Variants in GLI3 observed in about 807,000 individuals in gnomAD.
The protein encoded by GLI3 is GLI family zinc finger 3, also known as transcription activator GLI3.
In GLI3, 20 loss-of-function variants were observed where a neutral mutation model predicts 100.8. That is an observed-to-expected ratio of 0.20 (90% CI 0.14 to 0.29). GLI3 has a LOEUF of 0.29. Ranked by LOEUF, GLI3 falls within the 10% of genes least tolerant of loss-of-function variation. The pLI is 1.00. For synonymous variants in GLI3, 938 were observed against 860.5 expected (o/e 1.09, Z -1.58); for missense variants, 2,040 against 2,128.5 (o/e 0.96, Z 0.82).
chr7:42,240,809 A>C (rs898937717), upstream of GLI3, among the ~76,000 whole-genome samples: 1 of 152,208 alleles, frequency 6.6e-6, no homozygotes, highest in Admixed American at 6.5e-5. Flanking sequence ...TGCAAAAGAT[A>C]GTGGGAGAGG....
chr7:41,979,801 A>G (rs1356717295), intron 10 of GLI3, among the ~76,000 whole-genome samples: 2 of 152,120 alleles, frequency 1.3e-5, no homozygotes, highest in Non-Finnish European at 2.9e-5. Context: ...TCACCAAAAA[A>G]CTTCGTTCAA....
At chr7:42,147,249 T>G (rs1261814110) in intron 3 of GLI3, among the ~76,000 whole-genome samples, 1 of 152,122 alleles carries the variant, frequency 6.6e-6, no homozygotes, top group African/African-American at 2.4e-5. Context: ...GGCACTTTCT[T>G]GAGCAAAAAA....
chr7:42,043,464 G>A (rs1214194215), intron 6 of GLI3, among the ~76,000 whole-genome samples: 1 of 152,186 alleles, frequency 6.6e-6, no homozygotes, highest in Non-Finnish European at 1.5e-5. Flanking sequence ...AAGTAGCCCA[G>A]TTCTTCACTG....
chr7:42,211,353 G>C (rs969296643), intron 2 of GLI3, among the ~76,000 whole-genome samples: 2 of 152,134 alleles, frequency 1.3e-5, no homozygotes, highest in Non-Finnish European at 2.9e-5. Flanking sequence ...CACAGGAACT[G>C]CTGTCAACGT....
chr7:42,132,245 C>CGCCCACCACCATGCCT (rs1554332096), intron 3 of GLI3, among the ~76,000 whole-genome samples: 2 of 145,488 alleles, frequency 1.4e-5, no homozygotes, highest in Non-Finnish European at 3.0e-5. Flanking sequence ...GGACTACAGG[C>CGCCCACCACCATGCCT]GCCCGCCACT....
chr7:42,234,819 C>T (rs1788758604), intron 1 of GLI3, among the ~76,000 whole-genome samples: 1 of 152,256 alleles, frequency 6.6e-6, no homozygotes, highest in Admixed American at 6.5e-5. Context: ...TCCCCTTAGG[C>T]GGGGAGTTTC....
At chr7:42,260,631 T>C (rs1199935694) in intron 1 of GLI3, among the ~76,000 whole-genome samples, 1 of 152,292 alleles carries the variant, frequency 6.6e-6, no homozygotes, top group Non-Finnish European at 1.5e-5. Flanking sequence ...CTGATTTACA[T>C]GTTTAAAAGT....
chr7:42,223,172 C>A lies in GLI3; in HGVS notation c.82G>T (p.Asp28Tyr). ...NSIVKCSTRT[D>Y]VSEKAVASST... ...GAGGCAACGGCTTTCTCGCTCACAT[C>A]TGTTCGAGTGGAGCACTTCACTATG... The change falls in exon 2 of 15, where the codon GAT becomes TAT. Residue 28 changes from aspartate (D) to tyrosine (Y), a missense_variant. Coordinates refer to ENST00000395925, the MANE Select transcript of GLI3 (RefSeq NM_000168.6). The A allele has an allele frequency of 6.2e-7, 1 of 1,614,040 alleles. No homozygotes were observed. The highest frequency in any genetic ancestry group is 8.5e-7 in the Non-Finnish European group (1 of 1,179,932).
At chr7:42,041,570 A>C (rs1031544377) in intron 6 of GLI3, among the ~76,000 whole-genome samples, 2 of 152,222 alleles carry the variant, frequency 1.3e-5, no homozygotes, top group African/African-American at 4.8e-5. Context: ...TCATAGAATG[A>C]GTATACCAGT....
intron 2 of GLI3, 153 bp downstream of exon 2, chr7:42,222,977 C>T (rs1293772207): frequency 3.7e-6 from 3 of 810,764 alleles, no homozygotes; most frequent in Non-Finnish European, 6.2e-6. Context: ...CATTCCATGT[C>T]CCCCCGCCGT....
At chr7:42,178,239 A>G (rs754043149) in intron 2 of GLI3, among the ~76,000 whole-genome samples, 5 of 152,214 alleles carry the variant, frequency 3.3e-5, no homozygotes, top group Non-Finnish European at 7.3e-5. Context: ...TGCATCACCT[A>G]AAGTGCCAAC....
At chr7:42,056,155 C>T (rs143648222) in intron 4 of GLI3, among the ~76,000 whole-genome samples, 15 of 152,288 alleles carry the variant, frequency 9.8e-5, no homozygotes, top group African/African-American at 2.9e-4. Flanking sequence ...TTGTAAATTG[C>T]CCAGTCTCGG....
At chr7:41,971,923 T>G (rs1382320005) in intron 13 of GLI3, among the ~76,000 whole-genome samples, 2 of 152,184 alleles carry the variant, frequency 1.3e-5, no homozygotes, top group Non-Finnish European at 2.9e-5. Context: ...CGGTATTTGT[T>G]TTTCAGTCTA....
intron 3 of GLI3, among the ~76,000 whole-genome samples, chr7:42,100,619 G>A (rs1200216701): frequency 1.3e-5 from 2 of 151,994 alleles, no homozygotes; most frequent in African/African-American, 4.8e-5. Context: ...GTGCACGCCT[G>A]TAGTCCCACC....
chr7:42,164,980 A>G (rs1787210732), intron 2 of GLI3, among the ~76,000 whole-genome samples: 1 of 151,686 alleles, frequency 6.6e-6, no homozygotes, highest in South Asian at 2.1e-4. Flanking sequence ...AGGCTTTTAA[A>G]TCACTATTCA....
chr7:42,022,784 G>A (rs759920341), intron 10 of GLI3, among the ~76,000 whole-genome samples: 1 of 152,204 alleles, frequency 6.6e-6, no homozygotes, highest in Admixed American at 6.5e-5. Flanking sequence ...GTGGGGAGAA[G>A]GCTTTGTGCA....
chr7:42,140,148 T>TGG (rs1786532315), intron 3 of GLI3, among the ~76,000 whole-genome samples: 8 of 152,168 alleles, frequency 5.3e-5, no homozygotes, highest in African/African-American at 1.9e-4. Flanking sequence ...AGATATCACC[T>TGG]CCTCCGGGAG....
intron 3 of GLI3, among the ~76,000 whole-genome samples, chr7:42,133,821 C>G (rs945422877): frequency 3.9e-5 from 6 of 152,004 alleles, no homozygotes; most frequent in African/African-American, 1.5e-4. Flanking sequence ...GTGGCTCCTG[C>G]CTATAATCCT....
chr7:42,102,055 T>A (rs574183648), intron 3 of GLI3, among the ~76,000 whole-genome samples: 115 of 152,058 alleles, frequency 7.6e-4, no homozygotes, highest in African/African-American at 2.7e-3. Flanking sequence ...ATGGTGTATA[T>A]GTGCCACATT....
Sources: gnomAD v4.1 joint callset for allele counts (sites outside exome capture counted in the v4.1 genomes callset) on GRCh38, gnomAD v4.1.1 for gene constraint, MANE v1.5 for transcripts, NCBI Gene and HGNC (gene_info 2026-07-23, HGNC 2026-07-21) for gene names.